PDE5A: variants seen among roughly 807,000 people sequenced by gnomAD.
The protein encoded by PDE5A is cGMP-specific 3',5'-cyclic phosphodiesterase.
PDE5A carries 67 observed loss-of-function variants against 110.2 expected under a neutral mutation model. The ratio of observed to expected loss-of-function variants is 0.61; its 90% CI spans 0.50 to 0.75. The LOEUF (loss-of-function observed/expected upper bound fraction) is 0.75, where lower values mean the gene tolerates loss of function less well. PDE5A is among the 30% of genes least tolerant of loss of function. PDE5A has a pLI of 0.00. For missense variants in PDE5A, 862 were observed against 1,045.1 expected, an observed-to-expected ratio of 0.82 and a Z score of 2.42; for synonymous variants, 328 against 351.2, an observed-to-expected ratio of 0.93 and a Z score of 0.74.
Position 119,498,666 on chromosome 4 carries a change from C to T in PDE5A, c.2563G>A (p.Ala855Thr), listed in dbSNP as rs1297296503. Residue 855 changes from alanine to threonine, a missense_variant, in exon 21 of 21, where the codon GCC becomes ACC. Transcript: ENST00000354960. ...ATCTTCTCCTGCTGTTCTGCAAGGG[C>T]CTGCCATTTCTGCCTGTTCTTTCTG... is the stretch of plus-strand genomic sequence containing the variant. ...GCRKNRQKWQ[A>T]LAEQQEKMLI... 1 of 1,614,030 alleles carries T rather than the reference C, an allele frequency of 6.2e-7. No homozygotes were observed. Among genetic ancestry groups the T allele is most frequent in the East Asian group, 2.2e-5 (1 of 44,872 alleles).
chr4:119,548,084 T>G (rs1482088120), intron 9 of PDE5A: 1 of 142,700 alleles, frequency 7.0e-6, no homozygotes, highest in East Asian at 2.1e-4. Context: ...AGTCCCGCTC[T>G]TTAGCCCAGG....
At chr4:119,504,025 GGGCTTCTAGT>G (rs751899272) in intron 18 of PDE5A, among the ~76,000 whole-genome samples, 2 of 151,828 alleles carry the variant, frequency 1.3e-5, no homozygotes, top group Non-Finnish European at 2.9e-5. Flanking sequence ...GGTGGGGACT[GGGCTTCTAGT>G]ATACCCATTA....
intron 13 of PDE5A, among the ~76,000 whole-genome samples, chr4:119,520,573 A>G (rs1726089804): frequency 6.6e-6 from 1 of 152,108 alleles, no homozygotes; most frequent in African/African-American, 2.4e-5. Context: ...GAGGAATTCT[A>G]CTATGGAGCA....
intron 11 of PDE5A, among the ~76,000 whole-genome samples, chr4:119,526,042 T>G (rs188750240): frequency 6.6e-6 from 1 of 152,234 alleles, no homozygotes; most frequent in Admixed American, 6.6e-5. Flanking sequence ...TATAATTTAT[T>G]GAGTAAATAT....
intron 17 of PDE5A, among the ~76,000 whole-genome samples, chr4:119,505,246 G>A (rs1305595216): frequency 1.3e-5 from 2 of 151,990 alleles, no homozygotes; most frequent in East Asian, 3.9e-4. Flanking sequence ...TGGAATTTAA[G>A]TCTGTAGAGT....
chr4:119,613,685 G>C (rs373619527), intron 1 of PDE5A, among the ~76,000 whole-genome samples: 4 of 151,996 alleles, frequency 2.6e-5, no homozygotes, highest in African/African-American at 9.6e-5. Flanking sequence ...CGATGGTCTA[G>C]GATAGGACCT....
chr4:119,623,563 C>T (rs1015597821), intron 1 of PDE5A, among the ~76,000 whole-genome samples: 10 of 152,048 alleles, frequency 6.6e-5, no homozygotes, highest in African/African-American at 1.9e-4. Flanking sequence ...CAGATAAGGG[C>T]GAAGCTACAA....
At chr4:119,590,787 G>A (rs760123386) in intron 3 of PDE5A, among the ~76,000 whole-genome samples, 4 of 152,010 alleles carry the variant, frequency 2.6e-5, no homozygotes, top group Admixed American at 1.3e-4. Context: ...TGCATTTTCC[G>A]GCCTATGTTA....
intron 3 of PDE5A, among the ~76,000 whole-genome samples, chr4:119,586,006 C>T (rs910430343): frequency 6.6e-6 from 1 of 152,120 alleles, no homozygotes; most frequent in Non-Finnish European, 1.5e-5. Context: ...ACATCCTGAC[C>T]GCGTGAGATA....
Position 119,627,246 on chromosome 4 carries a change from C to T in PDE5A, c.152+1274G>A. ...CCAGGAGGCTCCGTAGGGGCAACAA[C>T]GCGCGCAGGTGAGGTGAGGTGAGGT... On this transcript the variant is annotated intron_variant, in intron 1 of 20. Transcript: ENST00000354960. This position sits in a 1 kb window ranked among gnomAD's most constrained non-coding sequence, Gnocchi z 4.6. 1 of 1,604,698 alleles carries T rather than the reference C, an allele frequency of 6.2e-7. No individual in the cohort carries two copies. Among genetic ancestry groups the T allele is most frequent in the Non-Finnish European group, 8.5e-7 (1 of 1,175,066 alleles).
At chr4:119,542,999 G>A in intron 9 of PDE5A, 2 of 164,880 alleles carry the variant, frequency 1.2e-5, no homozygotes, top group Non-Finnish European at 1.2e-5. Context: ...CAGAATTTTG[G>A]GTCAAACAGA....
intron 12 of PDE5A, among the ~76,000 whole-genome samples, chr4:119,521,782 C>T (rs1326330265): frequency 6.6e-6 from 1 of 151,980 alleles, no homozygotes; most frequent in Non-Finnish European, 1.5e-5. Context: ...CAGCAAGTCT[C>T]AAGAGTTGGG....
At chr4:119,505,091 T>C (rs1725509280) in intron 17 of PDE5A, among the ~76,000 whole-genome samples, 1 of 151,970 alleles carries the variant, frequency 6.6e-6, no homozygotes. Context: ...ATTAATCATG[T>C]TTTTCAGCTT....
intron 10 of PDE5A, 33 bp downstream of exon 10, chr4:119,542,426 G>C: frequency 1.2e-6 from 2 of 1,600,582 alleles, no homozygotes; most frequent in Non-Finnish European, 1.7e-6. Flanking sequence ...GGGTTTGGCT[G>C]TACAGTGTGA....
Position 119,495,346 on chromosome 4 carries a change from A to G in PDE5A, c.*3255T>C, listed in dbSNP as rs1725024049. 1 of 152,174 alleles carries G rather than the reference A, an allele frequency of 6.6e-6. No individual in the cohort carries two copies. Among genetic ancestry groups the G allele is most frequent in the Non-Finnish European group, 1.5e-5 (1 of 68,036 alleles). The allele number at this position is 152,174 out of a possible 1,614,324, so 9.4% of individuals were successfully genotyped here. A position where few individuals can be genotyped will look rare whatever the true frequency, so the allele number is the denominator to read the frequency against. On this transcript the variant is annotated 3_prime_UTR_variant, in exon 21 of 21. Coordinates refer to ENST00000354960, the MANE Select transcript of PDE5A (RefSeq NM_001083.4). ...AGGTGGGTCAGTGTATTTCTGATAC[A>G]AAACAATTAAATTGTGCCACCTTAT...
At chr4:119,616,845 C>T (rs371758443) in intron 1 of PDE5A, among the ~76,000 whole-genome samples, 9 of 152,064 alleles carry the variant, frequency 5.9e-5, no homozygotes, top group South Asian at 2.1e-4. Context: ...AAATTACACA[C>T]GGCAAAAATA....
chr4:119,545,667 A>G (rs1318819724), intron 9 of PDE5A, among the ~76,000 whole-genome samples: 1 of 152,204 alleles, frequency 6.6e-6, no homozygotes, highest in African/African-American at 2.4e-5. Context: ...TGAAGGGACT[A>G]GATGGCTTCT....
intron 3 of PDE5A, among the ~76,000 whole-genome samples, chr4:119,581,563 G>T (rs942111025): frequency 3.3e-5 from 5 of 152,182 alleles, no homozygotes; most frequent in African/African-American, 4.8e-5. Flanking sequence ...CCAAATGGAA[G>T]ATGTGCCTGA....
chr4:119,568,513 A>T (rs536523882), intron 3 of PDE5A, among the ~76,000 whole-genome samples: 1 of 152,258 alleles, frequency 6.6e-6, no homozygotes, highest in Non-Finnish European at 1.5e-5. Context: ...GTAATAAAAA[A>T]CTGGGGAAGT....
Sources: gnomAD v4.1 joint callset for allele counts (sites outside exome capture counted in the v4.1 genomes callset) on GRCh38, gnomAD v4.1.1 for gene constraint, Gnocchi (gnomAD v3.1) non-coding constraint, MANE v1.5 for transcripts, NCBI Gene and HGNC (gene_info 2026-07-23, HGNC 2026-07-21) for gene names.